IL17B: variants seen among roughly 807,000 people sequenced by gnomAD.
IL17B encodes interleukin 17B.
Under a neutral mutation model 14.7 loss-of-function variants are expected in IL17B, and 14 were observed. That is an observed-to-expected ratio of 0.95 (90% CI 0.63 to 1.49). The LOEUF is 1.49. IL17B is among the 40% of genes most tolerant of loss of function. The pLI is 0.00. For synonymous variants in IL17B, 105 were observed against 94.8 expected, an observed-to-expected ratio of 1.11 and a Z score of -0.62; for missense variants, 233 against 252.8, an observed-to-expected ratio of 0.92 and a Z score of 0.53.
chr5:149,395,445 A>C (rs1330922224), intron 1 of IL17B, among the ~76,000 whole-genome samples: 2 of 152,164 alleles, frequency 1.3e-5, no homozygotes, highest in African/African-American at 4.8e-5. Flanking sequence ...ACACCCACTC[A>C]TATACAGACC....
intron 2 of IL17B, among the ~76,000 whole-genome samples, chr5:149,376,241 G>T (rs894351547): frequency 6.6e-6 from 1 of 152,210 alleles, no homozygotes; most frequent in Non-Finnish European, 1.5e-5. Flanking sequence ...CCCTGATCAC[G>T]TGGAGCTATA....
intron 1 of IL17B, among the ~76,000 whole-genome samples, chr5:149,396,129 C>A (rs1759088397): frequency 6.6e-6 from 1 of 152,216 alleles, no homozygotes; most frequent in African/African-American, 2.4e-5. Flanking sequence ...TTGAAATTCA[C>A]TTTTAGAAGC....
At chr5:149,402,827 C>A (rs1427993707) in intron 1 of IL17B, among the ~76,000 whole-genome samples, 1 of 151,222 alleles carries the variant, frequency 6.6e-6, no homozygotes, top group African/African-American at 2.4e-5. Context: ...CACGGTGAAA[C>A]CCCATCTCTA....
At chr5:149,388,882 T>C (rs1758882820) in intron 1 of IL17B, among the ~76,000 whole-genome samples, 1 of 152,258 alleles carries the variant, frequency 6.6e-6, no homozygotes, top group East Asian at 1.9e-4. Context: ...CAGCCACATA[T>C]TTCCTTTGAG....
Position 149,374,573 on chromosome 5 carries a change from G to A in IL17B, c.339C>T (p.Pro113=), listed in dbSNP as rs2227460. 0.029 allele frequency: 45,968 copies of A among 1,612,482 alleles called. 800 individuals are homozygous for A. Among genetic ancestry groups the A allele is most frequent in the Non-Finnish European group, 0.035 (41,495 of 1,179,314 alleles). The change falls in exon 3 of 3, where the codon CCC becomes CCT. Residue 113 remains proline (P), a synonymous_variant. Transcript: ENST00000261796. This position sits in a 1 kb window ranked among gnomAD's most constrained non-coding sequence, Gnocchi z 5.0. Reference sequence around the variant, plus strand: ...GGCACCGTGCCTCCGGCAGGTCCACGGGGATACGGCTGGGGTCGTGGTTGA... The same window carrying A: ...GGCACCGTGCCTCCGGCAGGTCCACAGGGATACGGCTGGGGTCGTGGTTGA... The part of the protein sequence containing the change: ...YSINHDPSRI[P]VDLPEARCLC...
chr5:149,388,784 C>T (rs1250926401), intron 1 of IL17B, among the ~76,000 whole-genome samples: 1 of 152,234 alleles, frequency 6.6e-6, no homozygotes, highest in Non-Finnish European at 1.5e-5. Context: ...CATCACAACA[C>T]TTGCTTCCAC....
intron 1 of IL17B, among the ~76,000 whole-genome samples, chr5:149,400,825 C>G (rs1487340590): frequency 6.6e-6 from 1 of 152,154 alleles, no homozygotes; most frequent in Non-Finnish European, 1.5e-5. Context: ...GTCCCAGAGT[C>G]CCAAGGAGCA....
chr5:149,389,338 A>C (rs924705810), intron 1 of IL17B, among the ~76,000 whole-genome samples: 1 of 152,268 alleles, frequency 6.6e-6, no homozygotes, highest in African/African-American at 2.4e-5. Flanking sequence ...CCAAAGAAGG[A>C]AGATCAAATT....
chr5:149,374,555 T>A lies in IL17B; in HGVS notation c.357A>T (p.Ala119=), dbSNP rs1273698467. The A allele has an allele frequency of 1.9e-6, 3 of 1,612,936 alleles. No individual in the cohort carries two copies. In the African/African-American group the frequency reaches 4.0e-5, roughly 22 times the overall value. ...TCACACAGCCCAGACACAGGCACCG[T>A]GCCTCCGGCAGGTCCACGGGGATAC... ...PSRIPVDLPE[A]RCLCLGCVNP... The change falls in exon 3 of 3, where the codon GCA becomes GCT. Residue 119 remains alanine (A), a synonymous_variant. Transcript: ENST00000261796. This position sits in a 1 kb window ranked among gnomAD's most constrained non-coding sequence, Gnocchi z 5.0.
At chr5:149,394,982 C>A (rs539444036) in intron 1 of IL17B, among the ~76,000 whole-genome samples, 2 of 152,094 alleles carry the variant, frequency 1.3e-5, no homozygotes, top group African/African-American at 4.8e-5. Flanking sequence ...AGGTAACAAA[C>A]GTAATACCTG....
At chr5:149,393,579 C>G (rs1222158829) in intron 1 of IL17B, among the ~76,000 whole-genome samples, 1 of 152,246 alleles carries the variant, frequency 6.6e-6, no homozygotes, top group Non-Finnish European at 1.5e-5. Flanking sequence ...TCTCATATCA[C>G]TTAACACTGT....
At chr5:149,377,531 G>T (rs774173479) in intron 1 of IL17B, among the ~76,000 whole-genome samples, 1 of 152,236 alleles carries the variant, frequency 6.6e-6, no homozygotes, top group African/African-American at 2.4e-5. Flanking sequence ...GATGCATTCA[G>T]TGAACACTCA....
At chr5:149,390,081 C>T (rs1332248769) in intron 1 of IL17B, among the ~76,000 whole-genome samples, 1 of 152,184 alleles carries the variant, frequency 6.6e-6, no homozygotes, top group African/African-American at 2.4e-5. Context: ...TTTCTAATAA[C>T]GTCTCTGGTG....
chr5:149,374,671 A>C lies in IL17B; in HGVS notation c.312-71T>G. 2 of 1,159,262 alleles carry C rather than the reference A, an allele frequency of 1.7e-6. No homozygotes were observed. Among genetic ancestry groups the C allele is most frequent in the Non-Finnish European group, 2.5e-6 (2 of 811,712 alleles). 71.8% of individuals were successfully genotyped at this position (1,159,262 alleles called of 1,614,324 possible). On this transcript the variant is annotated intron_variant, in intron 2 of 2. Coordinates refer to ENST00000261796, the MANE Select transcript of IL17B (RefSeq NM_014443.3). This position sits in a 1 kb window ranked among gnomAD's most constrained non-coding sequence, Gnocchi z 5.0. ...GGGCCAGTCAGCACCCATACTCCAC[A>C]CCCCTGCCTTTCCTAATCAGAGTTT...
intron 1 of IL17B, among the ~76,000 whole-genome samples, chr5:149,398,533 C>T (rs1371533878): frequency 6.6e-6 from 1 of 152,184 alleles, no homozygotes; most frequent in Non-Finnish European, 1.5e-5. Context: ...CAGACCCAGG[C>T]AGCACAATTC....
At chr5:149,382,136 C>G (rs564454895), upstream of IL17B, among the ~76,000 whole-genome samples, 1 of 152,200 alleles carries the variant, frequency 6.6e-6, no homozygotes, top group South Asian at 2.1e-4. Flanking sequence ...CCACCTCTTT[C>G]TCCAAGAGCG....
intron 1 of IL17B, among the ~76,000 whole-genome samples, chr5:149,391,811 C>T (rs1439363983): frequency 6.6e-6 from 1 of 152,186 alleles, no homozygotes; most frequent in African/African-American, 2.4e-5. Context: ...CATGACTTCA[C>T]CATTGGCTAT....
At chr5:149,377,182 C>T (rs189775651) in intron 1 of IL17B, among the ~76,000 whole-genome samples, 157 bp from the exon 2 acceptor site, 3 of 152,164 alleles carry the variant, frequency 2.0e-5, no homozygotes, top group African/African-American at 7.2e-5. Context: ...CAGATTACCC[C>T]CTGTTTCCTC....
At chr5:149,383,017 T>A (rs1758738608), upstream of IL17B, among the ~76,000 whole-genome samples, 1 of 152,222 alleles carries the variant, frequency 6.6e-6, no homozygotes, top group Non-Finnish European at 1.5e-5. Flanking sequence ...CCTCCACAGA[T>A]GGGCTGGCCT....
Sources: gnomAD v4.1 joint callset for allele counts (sites outside exome capture counted in the v4.1 genomes callset) on GRCh38, gnomAD v4.1.1 for gene constraint, Gnocchi (gnomAD v3.1) non-coding constraint, MANE v1.5 for transcripts, NCBI Gene and HGNC (gene_info 2026-07-23, HGNC 2026-07-21) for gene names.